Variants in MAF observed in about 807,000 individuals in gnomAD.
MAF encodes transcription factor Maf.
In MAF, 10 loss-of-function variants were observed where a neutral mutation model predicts 22.0. The ratio of observed to expected loss-of-function variants is 0.45; its 90% confidence interval spans 0.28 to 0.77. MAF has a LOEUF of 0.77. Among genes scored for constraint, MAF ranks in the 30% least tolerant of loss-of-function variants. The pLI is 0.12. For missense variants in MAF, 544 were observed against 548.4 expected (o/e 0.99, Z 0.08); for synonymous variants, 337 against 255.8 (o/e 1.32, Z -3.03).
chr16:79,460,754 A>G, the MAF span, among the ~76,000 whole-genome samples: 1 of 152,122 alleles, frequency 6.6e-6, no homozygotes, highest in Non-Finnish European at 1.5e-5. Flanking sequence ...TCTTACTTTA[A>G]AACATTAAAA....
At chr16:79,352,754 G>A in the MAF span, among the ~76,000 whole-genome samples, 2 of 152,164 alleles carry the variant, frequency 1.3e-5, no homozygotes. Context: ...ATCCTTTGTG[G>A]TAGGGGAATT....
chr16:79,466,332 A>G, the MAF span, among the ~76,000 whole-genome samples: 1 of 152,310 alleles, frequency 6.6e-6, no homozygotes, highest in East Asian at 1.9e-4. Context: ...ATGGGTTTAA[A>G]TGATGTCCAT....
At chr16:79,323,884 C>A in the MAF span, among the ~76,000 whole-genome samples, 1 of 152,128 alleles carries the variant, frequency 6.6e-6, no homozygotes, top group Non-Finnish European at 1.5e-5. Context: ...CTACCGAATT[C>A]CTCCCTTTTA....
At chr16:79,239,709 G>A in the MAF span, among the ~76,000 whole-genome samples, 1 of 151,922 alleles carries the variant, frequency 6.6e-6, no homozygotes, top group Admixed American at 6.6e-5. Flanking sequence ...GCTCTGTGAG[G>A]GCCAAAGCCT....
chr16:79,459,497 G>A, the MAF span, among the ~76,000 whole-genome samples: 3 of 151,942 alleles, frequency 2.0e-5, no homozygotes, highest in African/African-American at 7.3e-5. Flanking sequence ...TCTATCGTAA[G>A]CTTCAGAATA....
chr16:79,281,230 A>AC, the MAF span, among the ~76,000 whole-genome samples: 1 of 151,820 alleles, frequency 6.6e-6, no homozygotes, highest in Admixed American at 6.6e-5. Context: ...ATATGAAAAA[A>AC]AAAAAAAGGA....
the MAF span, among the ~76,000 whole-genome samples, chr16:79,560,018 C>CT: frequency 6.6e-6 from 1 of 152,186 alleles, no homozygotes; most frequent in East Asian, 1.9e-4. Context: ...AATCCTCCTG[C>CT]TTTAGCCTTC....
chr16:79,459,676 G>T, the MAF span, among the ~76,000 whole-genome samples: 1 of 151,784 alleles, frequency 6.6e-6, no homozygotes, highest in East Asian at 1.9e-4. Context: ...GGGCTCAGGT[G>T]ATTCTCCTAC....
chr16:79,532,293 C>G, the MAF span, among the ~76,000 whole-genome samples: 1 of 152,138 alleles, frequency 6.6e-6, no homozygotes, highest in Non-Finnish European at 1.5e-5. Flanking sequence ...GGAAGCCATT[C>G]TCCCATGTCC....
At chr16:79,522,908 G>C in the MAF span, among the ~76,000 whole-genome samples, 36,337 of 151,992 alleles carry the variant, frequency 0.24, 4,651 homozygotes, top group East Asian at 0.32. Context: ...ATATCCCTGA[G>C]AACATCATGC....
Position 79,598,959 on chromosome 16 carries a change from A to T in MAF, c.944T>A (p.Val315Asp), listed in dbSNP as rs1913778690. 6.2e-7 allele frequency: 1 copy of T among 1,613,534 alleles called. No individual in the cohort carries two copies. The highest frequency in any genetic ancestry group is 1.3e-5 in the African/African-American group (1 of 74,866). Residue 315 changes from valine (V) to aspartate (D), a missense_variant, in exon 1 of 2, where the codon GTC (valine) becomes GAC (aspartate). Around this residue, in one of 5 missense-constraint regions of MAF, gnomAD observed 129 missense variants for 113.6 expected, o/e 1.14. Transcript: ENST00000326043. ...CRFKRVQQRH[V>D]LESEKNQLLQ... Reference sequence around the variant, plus strand: ...CAGCTGGTTCTTCTCCGACTCCAGGACGTGTCTCTGCTGCACCCTCTTGAA... The same window carrying T: ...CAGCTGGTTCTTCTCCGACTCCAGGTCGTGTCTCTGCTGCACCCTCTTGAA...
chr16:79,418,203 C>A, the MAF span, among the ~76,000 whole-genome samples: 1 of 152,146 alleles, frequency 6.6e-6, no homozygotes, highest in Non-Finnish European at 1.5e-5. Context: ...GCTTGAGAGA[C>A]CATCTTCTCG....
At chr16:79,537,833 G>A in the MAF span, among the ~76,000 whole-genome samples, 1 of 152,180 alleles carries the variant, frequency 6.6e-6, no homozygotes, top group Admixed American at 6.5e-5. Flanking sequence ...CAGAATGACA[G>A]TCGCCGTTGA....
At chr16:79,427,557 T>A in the MAF span, among the ~76,000 whole-genome samples, 1 of 152,186 alleles carries the variant, frequency 6.6e-6, no homozygotes, top group Non-Finnish European at 1.5e-5. Flanking sequence ...TGGGCACTGC[T>A]CTCTGGTCAG....
the MAF span, among the ~76,000 whole-genome samples, chr16:79,410,745 C>T: frequency 6.6e-6 from 1 of 152,190 alleles, no homozygotes; most frequent in Non-Finnish European, 1.5e-5. Context: ...AAGAGTTGTT[C>T]ATCTTCCAGA....
the MAF span, among the ~76,000 whole-genome samples, chr16:79,343,272 G>T: frequency 1.1e-4 from 17 of 151,840 alleles, no homozygotes; most frequent in East Asian, 3.1e-3. Flanking sequence ...GTGTGCTCCA[G>T]TTCTTCTCTT....
the MAF span, among the ~76,000 whole-genome samples, chr16:79,499,011 G>C: frequency 1.3e-5 from 2 of 152,132 alleles, no homozygotes; most frequent in Admixed American, 6.6e-5. Context: ...TTTTTAGAGA[G>C]GAGAGTAGGA....
the MAF span, among the ~76,000 whole-genome samples, chr16:79,409,038 G>T: frequency 6.6e-6 from 1 of 151,118 alleles, no homozygotes; most frequent in Admixed American, 6.6e-5. Flanking sequence ...GTGGGTGGGT[G>T]GGGGAGTCAC....
the MAF span, among the ~76,000 whole-genome samples, chr16:79,517,287 G>A: frequency 1.3e-5 from 2 of 152,204 alleles, no homozygotes; most frequent in Non-Finnish European, 2.9e-5. Context: ...GAGTACTGAT[G>A]TGGGAAACAT....
Sources: allele counts gnomAD v4.1 joint callset (sites outside exome capture counted in the v4.1 genomes callset), GRCh38; gene constraint gnomAD v4.1.1; regional missense constraint gnomAD v4.1.1; transcripts MANE v1.5; gene names NCBI Gene and HGNC (gene_info 2026-07-23, HGNC 2026-07-21).